The following APIP variants were observed in gnomAD, a reference collection of about 807,000 sequenced individuals.
The protein encoded by APIP is APAF1 interacting protein.
A neutral mutation model predicts 32.0 loss-of-function variants in APIP; 32 were observed. That is an observed-to-expected ratio of 1.00 (90% CI 0.76 to 1.34). The LOEUF is 1.34. Ranked by LOEUF, APIP falls within the 40% of genes most tolerant of loss-of-function variation. APIP has a pLI of 0.00. For synonymous variants in APIP, 92 were observed against 94.8 expected (o/e 0.97, Z 0.17); for missense variants, 247 against 298.6 (o/e 0.83, Z 1.27).
chr11:34,897,555 G>T (rs1212338135), intron 1 of APIP, among the ~76,000 whole-genome samples: 1 of 148,216 alleles, frequency 6.7e-6, no homozygotes, highest in Non-Finnish European at 1.5e-5. Flanking sequence ...TAATAATGCA[G>T]CTTAGTAAGG....
chr11:34,895,071 T>G lies in APIP; in HGVS notation c.97A>C (p.Lys33Gln), dbSNP rs968938552. 2.5e-6 allele frequency: 4 copies of G among 1,614,148 alleles called. No individual in the cohort carries two copies. The African/African-American group carries it at 4.0e-5, about 16-fold the overall frequency. The change falls in exon 2 of 7, where the codon AAA becomes CAA. Residue 33 changes from lysine to glutamine, a missense_variant. By Grantham distance (53) the Lys-to-Gln change is moderately conservative. Transcript: ENST00000395787. ...ACCCAGCCTAAATGGTAAAACTGTT[T>G]GCAAAGTTCTGGGATCAGGTATCTT... Reference protein sequence around the residue: ...HPRYLIPELCKQFYHLGWVTG... With the variant: ...HPRYLIPELCQQFYHLGWVTG...
intron 1 of APIP, among the ~76,000 whole-genome samples, chr11:34,904,123 C>CA (rs1431209904): frequency 6.6e-6 from 1 of 152,206 alleles, no homozygotes; most frequent in Admixed American, 6.5e-5. Flanking sequence ...AAAGGGCATT[C>CA]AATACCTGCT....
At chr11:34,915,935 C>T in intron 1 of APIP, 1 of 519,190 alleles carries the variant, frequency 1.9e-6, no homozygotes. Context: ...CTGATAAATA[C>T]CCGGTGAGGT....
chr11:34,884,280 A>T (rs992019562), intron 5 of APIP, among the ~76,000 whole-genome samples: 1 of 152,188 alleles, frequency 6.6e-6, no homozygotes, highest in African/African-American at 2.4e-5. Flanking sequence ...TTAAAAAAAA[A>T]AGTTCTAGCT....
intron 1 of APIP, among the ~76,000 whole-genome samples, chr11:34,902,840 G>A (rs988487057): frequency 5.9e-5 from 9 of 152,218 alleles, no homozygotes; most frequent in Middle Eastern, 3.4e-3. Flanking sequence ...ACACAGGCCC[G>A]AGGACCAGCT....
intron 3 of APIP, 82 bp from the exon 4 acceptor site, chr11:34,888,951 C>T: frequency 1.4e-6 from 1 of 737,898 alleles, no homozygotes; most frequent in Non-Finnish European, 2.0e-6. Context: ...TGTACATATA[C>T]ATAAGAATAC....
In APIP at chr11:34,888,441, GAAGA is replaced by G. The variant is rs1853120721; in HGVS notation, c.326-17_326-14del. 2 of 1,602,702 alleles carry G rather than the reference GAAGA, an allele frequency of 1.2e-6. No individual in the cohort carries two copies. The highest frequency in any genetic ancestry group is 1.7e-6 in the Non-Finnish European group (2 of 1,176,688). On this transcript the variant is annotated splice_polypyrimidine_tract_variant and intron_variant, in intron 4 of 6. Transcript: ENST00000395787. ...ACTGCACCTGCTCCTGAAGGAGGAAGAAGAAAGCCGCATGCTCAATGAAGACTGA... is the reference window on the plus strand; with the variant it reads ...ACTGCACCTGCTCCTGAAGGAGGAAGAAGCCGCATGCTCAATGAAGACTGA...
intron 1 of APIP, among the ~76,000 whole-genome samples, chr11:34,915,109 G>T (rs1394683207): frequency 6.7e-6 from 1 of 148,434 alleles, no homozygotes; most frequent in Non-Finnish European, 1.5e-5. Context: ...GGCCATGTTT[G>T]GTTTGAGAAT....
At chr11:34,905,163 C>G (rs1590712629) in intron 1 of APIP, among the ~76,000 whole-genome samples, 1 of 152,368 alleles carries the variant, frequency 6.6e-6, no homozygotes, top group Non-Finnish European at 1.5e-5. Flanking sequence ...TTATTATCCT[C>G]ATAGCAGGAA....
chr11:34,911,978 T>C (rs952527228), intron 1 of APIP, among the ~76,000 whole-genome samples: 1 of 152,180 alleles, frequency 6.6e-6, no homozygotes, highest in Admixed American at 6.5e-5. Flanking sequence ...CTTACTCATG[T>C]TTGCATTTTT....
chr11:34,906,341 C>T (rs371061089), intron 1 of APIP, among the ~76,000 whole-genome samples: 3 of 152,206 alleles, frequency 2.0e-5, no homozygotes, highest in South Asian at 2.1e-4. Flanking sequence ...ATCTTGAATA[C>T]ACCAGAGAAA....
At chr11:34,899,830 C>G (rs1314632513) in intron 1 of APIP, among the ~76,000 whole-genome samples, 1 of 152,174 alleles carries the variant, frequency 6.6e-6, no homozygotes, top group African/African-American at 2.4e-5. Flanking sequence ...TTGGGGGACG[C>G]CCCCACTGTT....
intron 1 of APIP, among the ~76,000 whole-genome samples, chr11:34,895,318 T>C (rs1853250787): frequency 6.6e-6 from 1 of 152,180 alleles, no homozygotes; most frequent in Admixed American, 6.6e-5. Context: ...CCTGGGAGTA[T>C]TCGGTATAGG....
chr11:34,901,279 C>A (rs550659426), intron 1 of APIP, among the ~76,000 whole-genome samples: 65 of 152,174 alleles, frequency 4.3e-4, no homozygotes, highest in African/African-American at 1.5e-3. Context: ...CAAGACAAAG[C>A]CACCTCGACC....
At chr11:34,896,868 G>A (rs1853281748) in intron 1 of APIP, 2 of 1,233,512 alleles carry the variant, frequency 1.6e-6, no homozygotes, top group Non-Finnish European at 2.1e-6. Context: ...AGAAGCATGA[G>A]ACAAAACCCA....
intron 5 of APIP, among the ~76,000 whole-genome samples, chr11:34,883,905 C>T (rs951364542): frequency 1.3e-5 from 2 of 152,164 alleles, no homozygotes; most frequent in African/African-American, 4.8e-5. Flanking sequence ...AAGAATTTCC[C>T]AATTAATACA....
intron 1 of APIP, among the ~76,000 whole-genome samples, chr11:34,898,373 G>A (rs1159263582): frequency 6.6e-6 from 1 of 152,104 alleles, no homozygotes; most frequent in Non-Finnish European, 1.5e-5. Context: ...GGGAGTGTCG[G>A]CCGTGTTTCG....
intron 1 of APIP, among the ~76,000 whole-genome samples, chr11:34,897,311 TG>T (rs1853290700): frequency 6.6e-6 from 1 of 152,240 alleles, no homozygotes; most frequent in Non-Finnish European, 1.5e-5. Context: ...CTGGATTTAT[TG>T]CCTACATGAC....
intron 3 of APIP, among the ~76,000 whole-genome samples, chr11:34,889,920 C>G (rs796790299): frequency 3.3e-5 from 5 of 152,016 alleles, no homozygotes; most frequent in African/African-American, 1.2e-4. Context: ...GTAAAGCATG[C>G]GTATTTCTGT....
Sources: gnomAD v4.1 joint callset for allele counts (sites outside exome capture counted in the v4.1 genomes callset) on GRCh38, gnomAD v4.1.1 for gene constraint, MANE v1.5 for transcripts, NCBI Gene and HGNC (gene_info 2026-07-23, HGNC 2026-07-21) for gene names.